TBC1D4: variants seen among roughly 807,000 people sequenced by gnomAD.
The protein encoded by TBC1D4 is TBC1 domain family member 4, also known as TBC (Tre-2, BUB2, CDC16) domain-containing protein.
Under a neutral mutation model 142.5 loss-of-function variants are expected in TBC1D4, and 121 were observed. The observed-to-expected ratio is 0.85, with a 90% CI of 0.73 to 0.99. TBC1D4 has a LOEUF of 0.99. Among genes scored for constraint, TBC1D4 ranks in the 50% least tolerant of loss-of-function variants. TBC1D4 has a pLI of 0.00. For synonymous variants in TBC1D4, 630 were observed against 628.2 expected (o/e 1.00, Z -0.04); for missense variants, 1,475 against 1,606.6 (o/e 0.92, Z 1.40).
At position 75,383,552 on chromosome 13, in the gene TBC1D4, C is replaced by A. The variant is rs13378336; in HGVS notation, c.499-20945G>T. On this transcript the variant is annotated intron_variant, in intron 1 of 20. Transcript: ENST00000377636. Reference sequence around the variant, plus strand: ...CACTTTCTGTGGTTTTAGTTACCTGCAGTACAGTACAATAAGGCATTTTGG... The same window carrying A: ...CACTTTCTGTGGTTTTAGTTACCTGAAGTACAGTACAATAAGGCATTTTGG... 5.9e-3 allele frequency among the ~76,000 whole-genome samples: 901 copies of A among 152,270 alleles called. 13 individuals are homozygous for A. Among genetic ancestry groups the A allele is most frequent in the African/African-American group, 0.02 (813 of 41,540 alleles).
chr13:75,467,437 C>T (rs1195583299), intron 1 of TBC1D4, among the ~76,000 whole-genome samples: 3 of 152,168 alleles, frequency 2.0e-5, no homozygotes. Flanking sequence ...AAACCACATA[C>T]TGCTTCATCA....
chr13:75,326,911 G>A (rs1481291132), intron 9 of TBC1D4, among the ~76,000 whole-genome samples: 2 of 152,204 alleles, frequency 1.3e-5, no homozygotes, highest in Non-Finnish European at 2.9e-5. Context: ...CAATGCCTAA[G>A]TGTCCAAGTC....
At chr13:75,446,685 G>A (rs1273175952) in intron 1 of TBC1D4, among the ~76,000 whole-genome samples, 3 of 152,206 alleles carry the variant, frequency 2.0e-5, no homozygotes, top group South Asian at 2.1e-4. Context: ...GGGACTTGAT[G>A]TGACATTGAA....
intron 1 of TBC1D4, among the ~76,000 whole-genome samples, chr13:75,469,526 T>C (rs1446021648): frequency 6.6e-6 from 1 of 152,100 alleles, no homozygotes; most frequent in East Asian, 1.9e-4. Context: ...ATCCCAGCAC[T>C]TTAGGGGGCT....
intron 2 of TBC1D4, among the ~76,000 whole-genome samples, chr13:75,361,205 A>T (rs975994138): frequency 3.3e-5 from 5 of 152,222 alleles, no homozygotes; most frequent in Non-Finnish European, 7.3e-5. Context: ...GTACATTTTT[A>T]GGCCAATGAT....
At chr13:75,320,226 C>A (rs12870217) in intron 11 of TBC1D4, among the ~76,000 whole-genome samples, 189 bp from the exon 12 acceptor site, 6,027 of 151,932 alleles carry the variant, frequency 0.04, 178 homozygotes, top group Non-Finnish European at 0.059. Context: ...AAAAACTATA[C>A]CACAAAGTAC....
chr13:75,356,732 T>C (rs946323301), intron 3 of TBC1D4, among the ~76,000 whole-genome samples: 8 of 152,220 alleles, frequency 5.3e-5, no homozygotes, highest in Non-Finnish European at 2.9e-5. Context: ...TGTCTCTTTA[T>C]AGACACTCAA....
intron 13 of TBC1D4, among the ~76,000 whole-genome samples, chr13:75,311,901 T>C (rs1877795069): frequency 6.6e-6 from 1 of 152,246 alleles, no homozygotes; most frequent in Admixed American, 6.5e-5. Flanking sequence ...AAGTTCTCTA[T>C]AAATATTAGG....
chr13:75,337,888 T>G (rs144337001), intron 7 of TBC1D4, among the ~76,000 whole-genome samples: 140 of 152,168 alleles, frequency 9.2e-4, no homozygotes, highest in African/African-American at 3.2e-3. Flanking sequence ...ATGTATTTAG[T>G]TAAAATATTG....
intron 13 of TBC1D4, among the ~76,000 whole-genome samples, chr13:75,310,706 G>C (rs529206618): frequency 6.6e-6 from 1 of 152,168 alleles, no homozygotes; most frequent in South Asian, 2.1e-4. Context: ...GGTAAATTAC[G>C]TGACTCTGGG....
intron 1 of TBC1D4, among the ~76,000 whole-genome samples, chr13:75,461,039 G>A (rs1394024958): frequency 6.6e-6 from 1 of 152,204 alleles, no homozygotes; most frequent in Non-Finnish European, 1.5e-5. Context: ...AGATTAGGCT[G>A]TACCCATTCA....
chr13:75,359,875 T>C lies in TBC1D4; in HGVS notation c.1081-17A>G, dbSNP rs1207204133. On this transcript the variant is annotated splice_polypyrimidine_tract_variant and intron_variant, in intron 2 of 20. Coordinates refer to ENST00000377636, the MANE Select transcript of TBC1D4 (RefSeq NM_014832.5). Reference sequence around the variant, plus strand: ...TCGCCCAACCTTAAAAATAAAAGCATTCCAATTAATTTCAATTCATAAGGA... The same window carrying C: ...TCGCCCAACCTTAAAAATAAAAGCACTCCAATTAATTTCAATTCATAAGGA... The C allele has an allele frequency of 6.3e-7, 1 of 1,588,352 alleles. No homozygotes were observed. Among genetic ancestry groups the C allele is most frequent in the South Asian group, 1.1e-5 (1 of 90,492 alleles).
At chr13:75,316,772 G>T (rs1878350244) in intron 12 of TBC1D4, among the ~76,000 whole-genome samples, 1 of 152,124 alleles carries the variant, frequency 6.6e-6, no homozygotes, top group Admixed American at 6.6e-5. Context: ...CTGGGATGGG[G>T]GTGGAGGGAG....
chr13:75,429,855 T>TA (rs1886525161), intron 1 of TBC1D4, among the ~76,000 whole-genome samples: 1 of 152,096 alleles, frequency 6.6e-6, no homozygotes, highest in Non-Finnish European at 1.5e-5. Flanking sequence ...TGAGAACCCA[T>TA]AGGACTTTCA....
At chr13:75,352,264 C>T (rs1438465133) in intron 4 of TBC1D4, among the ~76,000 whole-genome samples, 1 of 152,134 alleles carries the variant, frequency 6.6e-6, no homozygotes, top group Non-Finnish European at 1.5e-5. Flanking sequence ...AGAAAGATAA[C>T]TTCCCAGATT....
At chr13:75,305,645 G>T (rs903769368) in intron 15 of TBC1D4, among the ~76,000 whole-genome samples, 1 of 151,956 alleles carries the variant, frequency 6.6e-6, no homozygotes, top group Non-Finnish European at 1.5e-5. Context: ...AATTTCTTTG[G>T]GTATTTTGGA....
intron 4 of TBC1D4, among the ~76,000 whole-genome samples, chr13:75,353,572 A>C (rs1881792204): frequency 6.6e-6 from 1 of 152,170 alleles, no homozygotes; most frequent in Non-Finnish European, 1.5e-5. Context: ...CCTAGGAATA[A>C]AGTATAGTAA....
Position 75,481,501 on chromosome 13 carries a change from G to A in TBC1D4, c.267C>T (p.Pro89=), listed in dbSNP as rs575220596. 158 of 1,612,408 alleles carry A rather than the reference G, an allele frequency of 9.8e-5. No homozygotes were observed. The African/African-American group carries it at 1.5e-3, about 16-fold the overall frequency. Residue 89 remains proline, a synonymous_variant, in exon 1 of 21, where the codon CCC becomes CCT. Coordinates refer to ENST00000377636, the MANE Select transcript of TBC1D4 (RefSeq NM_014832.5). ...CCGGCGCGGGGACGCAACGCAGGAA[G>A]GGCGCGCTGAGCACCAGGATCACCT... ...AREVILVLSA[P]FLRCVPAPGA... is the part of the protein sequence containing the mutation.
chr13:75,295,833 T>C (rs1875857943), intron 17 of TBC1D4, among the ~76,000 whole-genome samples: 1 of 152,182 alleles, frequency 6.6e-6, no homozygotes, highest in Non-Finnish European at 1.5e-5. Flanking sequence ...TAAGTGATGG[T>C]TCCCTGATCA....
Sources: gnomAD v4.1 joint callset for allele counts (sites outside exome capture counted in the v4.1 genomes callset) on GRCh38, gnomAD v4.1.1 for gene constraint, MANE v1.5 for transcripts, NCBI Gene and HGNC (gene_info 2026-07-23, HGNC 2026-07-21) for gene names.